The following APOBEC1 variants were observed in gnomAD, a reference collection of about 807,000 sequenced individuals.
APOBEC1 encodes apolipoprotein B mRNA editing enzyme catalytic subunit 1.
APOBEC1 carries 22 observed loss-of-function variants against 26.3 expected under a neutral mutation model. The observed-to-expected ratio is 0.84, with a 90% CI of 0.60 to 1.19. The LOEUF is 1.19. Among genes scored for constraint, APOBEC1 ranks in the 50% most tolerant of loss-of-function variants. The pLI is 0.00. For synonymous variants in APOBEC1, 77 were observed against 95.3 expected (o/e 0.81, Z 1.12); for missense variants, 253 against 289.0 (o/e 0.88, Z 0.90).
intron 1 of APOBEC1, among the ~76,000 whole-genome samples, chr12:7,664,430 G>A (rs753285158): frequency 5.9e-5 from 9 of 152,152 alleles, no homozygotes; most frequent in Non-Finnish European, 1.0e-4. Context: ...CCTGGCATTC[G>A]AAGTCCTCTA....
chr12:7,649,904 C>A (rs1863616219), intron 4 of APOBEC1, among the ~76,000 whole-genome samples: 1 of 152,072 alleles, frequency 6.6e-6, no homozygotes, highest in African/African-American at 2.4e-5. Context: ...CAGCCTCAAC[C>A]TCCTAGGCTC....
chr12:7,668,673 T>C (rs767244053), upstream of APOBEC1, among the ~76,000 whole-genome samples: 7 of 152,150 alleles, frequency 4.6e-5, no homozygotes, highest in Non-Finnish European at 7.4e-5. Context: ...TACATACACT[T>C]ATGTAACTAC....
At chr12:7,668,069 G>A (rs889360095), upstream of APOBEC1, among the ~76,000 whole-genome samples, 13 of 152,122 alleles carry the variant, frequency 8.5e-5, no homozygotes, top group Non-Finnish European at 1.6e-4. Flanking sequence ...GGATTATGCA[G>A]GTGGGCACAG....
intron 3 of APOBEC1, among the ~76,000 whole-genome samples, chr12:7,651,965 C>G (rs11055029): frequency 6.6e-6 from 1 of 151,038 alleles, no homozygotes; most frequent in Admixed American, 6.6e-5. Context: ...GGACTACAGG[C>G]GCCCGCCACC....
chr12:7,659,353 T>TATATATG (rs1863771325), intron 1 of APOBEC1, among the ~76,000 whole-genome samples: 1 of 85,704 alleles, frequency 1.2e-5, no homozygotes, highest in Non-Finnish European at 2.3e-5. Flanking sequence ...ATATATATGT[T>TATATATG]TATATTTGAA....
At chr12:7,657,042 ACGTGTGTGTGTGTGTG>A (rs1565441087) in intron 1 of APOBEC1, among the ~76,000 whole-genome samples, 2 of 112,128 alleles carry the variant, frequency 1.8e-5, no homozygotes, top group African/African-American at 6.8e-5. Flanking sequence ...TGTTGTATAT[ACGTGTGTGTGTGTGTG>A]TGTGTGTGTG....
At chr12:7,663,113 G>T (rs1018214784) in intron 1 of APOBEC1, among the ~76,000 whole-genome samples, 2 of 152,102 alleles carry the variant, frequency 1.3e-5, no homozygotes, top group Non-Finnish European at 2.9e-5. Context: ...TTCATCCCAC[G>T]CTCCTGGCCA....
intron 1 of APOBEC1, among the ~76,000 whole-genome samples, chr12:7,665,026 G>C (rs1021162123): frequency 6.6e-6 from 1 of 152,088 alleles, no homozygotes; most frequent in Non-Finnish European, 1.5e-5. Context: ...GCGAAGTAGT[G>C]AACCCACCCG....
Position 7,649,459 on chromosome 12 carries a change from G to T in APOBEC1, c.*88C>A. The T allele has an allele frequency of 7.0e-7, 1 of 1,433,194 alleles. No homozygotes were observed. Among genetic ancestry groups the T allele is most frequent in the Non-Finnish European group, 9.6e-7 (1 of 1,045,566 alleles). 88.8% of individuals were successfully genotyped at this position (1,433,194 alleles called of 1,614,324 possible). ...GCTACAGAGTTTTGGGGTACCTTGT[G>T]AACATTTCTAGATTCTAAATGGCAT... On this transcript the variant is annotated 3_prime_UTR_variant, in exon 5 of 5. Transcript: ENST00000229304.
intron 3 of APOBEC1, among the ~76,000 whole-genome samples, chr12:7,652,119 G>A (rs757718556): frequency 6.6e-6 from 1 of 152,142 alleles, no homozygotes; most frequent in Non-Finnish European, 1.5e-5. Flanking sequence ...ACCGCACCTG[G>A]CCGGATTTTT....
In APOBEC1 at chr12:7,652,739, G is replaced by A; in HGVS notation, c.141C>T (p.Ser47=). The A allele has an allele frequency of 6.2e-7, 1 of 1,613,990 alleles. No individual in the cohort carries two copies. ...CLLYEIKWGM[S]RKIWRSSGKN... is the part of the protein sequence containing the mutation. Reference sequence around the variant, plus strand: ...TGCCTGAGCTTCGCCAGATCTTCCGGCTCATGCCCCACTTGATTTCGTAGA... The same window carrying A: ...TGCCTGAGCTTCGCCAGATCTTCCGACTCATGCCCCACTTGATTTCGTAGA... Residue 47 remains serine (S), a synonymous_variant, in exon 3 of 5, where the codon AGC becomes AGT. Transcript: ENST00000229304.
rs940154975 is a variant in APOBEC1 at position 7,649,495 on chromosome 12, G to C, written c.*52C>G. On this transcript the variant is annotated 3_prime_UTR_variant, in exon 5 of 5. Coordinates refer to ENST00000229304, the MANE Select transcript of APOBEC1 (RefSeq NM_001644.5). Reference sequence around the variant, plus strand: ...GATTCTAAATGGCATTCACTCTTTAGTGGGTCATCATTGCTTGTTCTTGAA... The same window carrying C: ...GATTCTAAATGGCATTCACTCTTTACTGGGTCATCATTGCTTGTTCTTGAA... 4 of 1,581,444 alleles carry C rather than the reference G, an allele frequency of 2.5e-6. No individual in the cohort carries two copies. The African/African-American group carries it at 4.1e-5, about 16-fold the overall frequency.
intron 1 of APOBEC1, among the ~76,000 whole-genome samples, chr12:7,664,785 TTGTC>T (rs1592064315): frequency 6.6e-6 from 1 of 151,884 alleles, no homozygotes; most frequent in East Asian, 1.9e-4. Flanking sequence ...CCCATGCCTG[TTGTC>T]CCAGCTACCC....
At position 7,652,567 on chromosome 12, in the gene APOBEC1, T is replaced by C; in HGVS notation, c.313A>G (p.Ser105Gly). Residue 105 changes from serine to glycine, a missense_variant, in exon 3 of 5, where the codon AGT becomes GGT. Coordinates refer to ENST00000229304, the MANE Select transcript of APOBEC1 (RefSeq NM_001644.5). ...ACTAGAGTCACACCAGGGTGCCGAC[T>C]CAGAAACTCTCTAATAGCCTGGGAG... The part of the protein sequence containing the change: ...ECSQAIREFL[S>G]RHPGVTLVIY... The C allele has an allele frequency of 3.1e-6, 5 of 1,614,198 alleles. No individual in the cohort carries two copies. The highest frequency in any genetic ancestry group is 4.2e-6 in the Non-Finnish European group (5 of 1,180,036).
At chr12:7,668,504 T>C (rs987181915), upstream of APOBEC1, among the ~76,000 whole-genome samples, 4 of 152,204 alleles carry the variant, frequency 2.6e-5, no homozygotes, top group African/African-American at 7.2e-5. Flanking sequence ...GCTTCGTCCA[T>C]GTTCTGTTTT....
At chr12:7,651,860 G>T (rs560430828) in intron 3 of APOBEC1, among the ~76,000 whole-genome samples, 2 of 150,706 alleles carry the variant, frequency 1.3e-5, no homozygotes, top group Non-Finnish European at 3.0e-5. Flanking sequence ...TCGCTCTGTC[G>T]CCCAGGCTGG....
intron 3 of APOBEC1, 27 bp downstream of exon 3, chr12:7,652,411 T>A: frequency 6.3e-7 from 1 of 1,578,150 alleles, no homozygotes; most frequent in Middle Eastern, 1.7e-4. Flanking sequence ...TTGTAAACAA[T>A]GAAGTTTCTT....
chr12:7,658,924 G>C (rs1246252122), intron 1 of APOBEC1, among the ~76,000 whole-genome samples: 1 of 145,132 alleles, frequency 6.9e-6, no homozygotes, highest in Non-Finnish European at 1.5e-5. Flanking sequence ...TTGCACTCCA[G>C]CCTGGGCAAC....
Position 7,659,373 on chromosome 12 carries a change from T to TCA in APOBEC1, c.17-4743_17-4742dup, listed in dbSNP as rs147840833. Among the ~76,000 whole-genome samples, 812 of 114,076 alleles carry TCA rather than the reference T, an allele frequency of 7.1e-3. 10 individuals are homozygous for TCA. Among genetic ancestry groups the TCA allele is most frequent in the African/African-American group, 0.024 (654 of 27,532 alleles). 74.8% of individuals were successfully genotyped at this position (114,076 alleles called of 152,430 possible). On this transcript the variant is annotated intron_variant, in intron 1 of 4. Coordinates refer to ENST00000229304, the MANE Select transcript of APOBEC1 (RefSeq NM_001644.5). Reference sequence around the variant, plus strand: ...TATGTTTATATTTGAAATTTAAAAATCACACACACACACACACACACAAAA... The same window carrying TCA: ...TATGTTTATATTTGAAATTTAAAAATCACACACACACACACACACACACAAAA...
Sources: gnomAD v4.1 joint callset for allele counts (sites outside exome capture counted in the v4.1 genomes callset) on GRCh38, gnomAD v4.1.1 for gene constraint, MANE v1.5 for transcripts, NCBI Gene and HGNC (gene_info 2026-07-23, HGNC 2026-07-21) for gene names.